Variants in NCKAP5 observed in about 807,000 individuals in gnomAD.
The protein encoded by NCKAP5 is NCK associated protein 5.
In NCKAP5, 92 loss-of-function variants were observed where a neutral mutation model predicts 167.0. That is an observed-to-expected ratio of 0.55 (90% CI 0.47 to 0.66). The LOEUF is 0.66. Ranked by LOEUF, NCKAP5 falls within the 30% of genes least tolerant of loss-of-function variation. The pLI is 0.00. For synonymous variants in NCKAP5, 891 were observed against 877.4 expected, an observed-to-expected ratio of 1.02 and a Z score of -0.27; for missense variants, 2,378 against 2,315.0, an observed-to-expected ratio of 1.03 and a Z score of -0.56.
chr2:133,233,856 C>T (rs1023910117), intron 4 of NCKAP5, among the ~76,000 whole-genome samples: 1 of 152,186 alleles, frequency 6.6e-6, no homozygotes, highest in South Asian at 2.1e-4. Context: ...GTACTATATA[C>T]CCCTTCTCCC....
intron 19 of NCKAP5, among the ~76,000 whole-genome samples, chr2:132,701,891 A>T (rs1437287850): frequency 6.6e-6 from 1 of 152,202 alleles, no homozygotes; most frequent in Non-Finnish European, 1.5e-5. Flanking sequence ...AGGCAACCGG[A>T]TGGAACCTGG....
At chr2:132,883,739 C>T (rs1691981208) in intron 8 of NCKAP5, among the ~76,000 whole-genome samples, 1 of 152,176 alleles carries the variant, frequency 6.6e-6, no homozygotes, top group South Asian at 2.1e-4. Context: ...ACATGGGTAT[C>T]TGGTATTTAT....
chr2:133,197,507 C>G (rs2085488958), intron 5 of NCKAP5, among the ~76,000 whole-genome samples: 1 of 151,872 alleles, frequency 6.6e-6, no homozygotes, highest in Admixed American at 6.6e-5. Flanking sequence ...GAATACTGTC[C>G]AAAATCACTC....
At chr2:132,842,450 T>C (rs1490107143) in intron 11 of NCKAP5, among the ~76,000 whole-genome samples, 1 of 152,170 alleles carries the variant, frequency 6.6e-6, no homozygotes, top group Non-Finnish European at 1.5e-5. Context: ...TCCTTTTGTA[T>C]TTTCCTTTTC....
At chr2:133,214,211 A>G (rs1023181557) in intron 4 of NCKAP5, among the ~76,000 whole-genome samples, 1 of 152,210 alleles carries the variant, frequency 6.6e-6, no homozygotes, top group Non-Finnish European at 1.5e-5. Context: ...TAAAATAACA[A>G]TAGAAAATCA....
the NCKAP5 span, among the ~76,000 whole-genome samples, chr2:133,592,875 C>T: frequency 6.6e-6 from 1 of 152,102 alleles, no homozygotes; most frequent in Non-Finnish European, 1.5e-5. Context: ...ATGACATGCC[C>T]AGCTTCATCA....
intron 3 of NCKAP5, among the ~76,000 whole-genome samples, chr2:133,371,480 C>G (rs1685799845): frequency 6.6e-6 from 1 of 152,050 alleles, no homozygotes; most frequent in Admixed American, 6.6e-5. Flanking sequence ...TCGGATGGCA[C>G]CCAGGGGCAT....
At chr2:133,639,066 T>A in the NCKAP5 span, among the ~76,000 whole-genome samples, 11 of 152,050 alleles carry the variant, frequency 7.2e-5, no homozygotes, top group Non-Finnish European at 1.3e-4. Context: ...CCAACAGATA[T>A]AAGACACAGC....
rs10165238 is a variant in NCKAP5, at chr2:133,528,864, G to A, written c.-61-11277C>T. The stretch of plus-strand genomic sequence containing the variant: ...TAGGGCTTGCCCATCTCTTCTTGCC[G>A]CTTCCAGTGACAAATGGGTCACATT... On this transcript the variant is annotated intron_variant, in intron 2 of 19. Coordinates refer to ENST00000409261, the MANE Select transcript of NCKAP5 (RefSeq NM_207363.3). Among the ~76,000 whole-genome samples, 11 of 152,126 alleles carry A rather than the reference G, an allele frequency of 7.2e-5. No individual in the cohort carries two copies. The South Asian group carries it at 2.3e-3, about 32-fold the overall frequency.
the NCKAP5 span, among the ~76,000 whole-genome samples, chr2:133,609,054 C>T: frequency 6.6e-6 from 1 of 152,318 alleles, no homozygotes; most frequent in East Asian, 1.9e-4. Context: ...GTAACATTCC[C>T]TTAAGGATAC....
the NCKAP5 span, among the ~76,000 whole-genome samples, chr2:133,609,443 T>C: frequency 6.6e-6 from 1 of 152,328 alleles, no homozygotes; most frequent in Non-Finnish European, 1.5e-5. Context: ...GAACAATTCC[T>C]GGCATTTTTT....
chr2:133,292,243 GTAAAAT>G (rs1438548586), intron 4 of NCKAP5, among the ~76,000 whole-genome samples: 1 of 151,124 alleles, frequency 6.6e-6, no homozygotes. Context: ...AATTTTTCCA[GTAAAAT>G]TAAAATTAAA....
At chr2:133,150,894 C>A (rs1431593161) in intron 5 of NCKAP5, among the ~76,000 whole-genome samples, 1 of 152,154 alleles carries the variant, frequency 6.6e-6, no homozygotes, top group Non-Finnish European at 1.5e-5. Context: ...TAGCATACAG[C>A]AATGAACAAA....
chr2:132,992,821 TAAC>T (rs1444466636), intron 7 of NCKAP5, among the ~76,000 whole-genome samples: 2 of 152,204 alleles, frequency 1.3e-5, no homozygotes, highest in Non-Finnish European at 2.9e-5. Context: ...TCTATGAAGC[TAAC>T]TTTAATTTCT....
chr2:133,057,288 A>T (rs922872808), intron 6 of NCKAP5, among the ~76,000 whole-genome samples: 3 of 152,180 alleles, frequency 2.0e-5, no homozygotes, highest in Admixed American at 1.3e-4. Flanking sequence ...AGTGAAATGA[A>T]GAGTCACAGG....
At chr2:133,501,567 G>A (rs965920261) in intron 3 of NCKAP5, among the ~76,000 whole-genome samples, 10 of 152,118 alleles carry the variant, frequency 6.6e-5, no homozygotes, top group Non-Finnish European at 2.9e-5. Flanking sequence ...TATTTTATTT[G>A]CATTTATAGA....
At chr2:133,647,906 T>C in the NCKAP5 span, among the ~76,000 whole-genome samples, 1 of 152,038 alleles carries the variant, frequency 6.6e-6, no homozygotes, top group African/African-American at 2.4e-5. Flanking sequence ...TTACGTTAAA[T>C]GCAAATGGAT....
chr2:133,599,164 A>G, the NCKAP5 span, among the ~76,000 whole-genome samples: 1 of 152,224 alleles, frequency 6.6e-6, no homozygotes, highest in African/African-American at 2.4e-5. Context: ...GTTCACAGCT[A>G]CTGAAAGGTT....
chr2:133,256,838 A>G (rs922936897), intron 4 of NCKAP5, among the ~76,000 whole-genome samples: 1 of 152,182 alleles, frequency 6.6e-6, no homozygotes, highest in Admixed American at 6.5e-5. Flanking sequence ...TGCAGCCCTC[A>G]TCCTCTGTGT....
Sources: gnomAD v4.1 joint callset for allele counts (sites outside exome capture counted in the v4.1 genomes callset) on GRCh38, gnomAD v4.1.1 for gene constraint, MANE v1.5 for transcripts, NCBI Gene and HGNC (gene_info 2026-07-23, HGNC 2026-07-21) for gene names.